Variants in MYRIP observed in about 807,000 individuals in gnomAD.
MYRIP encodes myosin VIIA and Rab interacting protein, also known as rab effector MyRIP.
Under a neutral mutation model 98.0 loss-of-function variants are expected in MYRIP, and 49 were observed. The observed-to-expected ratio is 0.50, with a 90% CI of 0.40 to 0.63. The LOEUF (loss-of-function observed/expected upper bound fraction) is 0.63, where lower values mean the gene tolerates loss of function less well. Among genes scored for constraint, MYRIP ranks in the 30% least tolerant of loss-of-function variants. The probability of loss-of-function intolerance (pLI) is 0.00; values close to 1 mark genes in which losing one functional copy is unlikely to be tolerated. For synonymous variants in MYRIP, 404 were observed against 409.5 expected, an observed-to-expected ratio of 0.99 and a Z score of 0.16; for missense variants, 1,004 against 1,058.2, an observed-to-expected ratio of 0.95 and a Z score of 0.71.
chr3:39,839,072 T>A (rs982970159), intron 1 of MYRIP, among the ~76,000 whole-genome samples: 1 of 152,134 alleles, frequency 6.6e-6, no homozygotes, highest in African/African-American at 2.4e-5. Flanking sequence ...TCTATTTGAT[T>A]CTTCTCTCTT....
intron 1 of MYRIP, among the ~76,000 whole-genome samples, chr3:39,876,559 T>G (rs1210351143): frequency 6.6e-6 from 1 of 151,942 alleles, no homozygotes; most frequent in Non-Finnish European, 1.5e-5. Flanking sequence ...TCTCTCAGCA[T>G]TTGCTTGTCT....
At chr3:40,130,029 A>C (rs1053865400) in intron 3 of MYRIP, among the ~76,000 whole-genome samples, 1 of 152,216 alleles carries the variant, frequency 6.6e-6, no homozygotes, top group African/African-American at 2.4e-5. Flanking sequence ...AGGTTTTTTT[A>C]GGGAAACAAC....
At chr3:39,816,463 T>C (rs1940920653) in intron 1 of MYRIP, among the ~76,000 whole-genome samples, 1 of 152,224 alleles carries the variant, frequency 6.6e-6, no homozygotes, top group South Asian at 2.1e-4. Flanking sequence ...TTCTCTTACT[T>C]GAGGATCAGT....
chr3:39,810,130 G>T (rs1940620792), intron 1 of MYRIP, among the ~76,000 whole-genome samples: 1 of 152,238 alleles, frequency 6.6e-6, no homozygotes, highest in East Asian at 1.9e-4. Flanking sequence ...CTTGCTCAGG[G>T]ATCATCGCGG....
chr3:39,849,975 T>C (rs1942078117), intron 1 of MYRIP, among the ~76,000 whole-genome samples: 2 of 152,220 alleles, frequency 1.3e-5, no homozygotes, highest in Admixed American at 6.5e-5. Flanking sequence ...ATTATCAGGA[T>C]GGTCACCACG....
At chr3:39,963,560 T>C (rs1559539511) in intron 2 of MYRIP, among the ~76,000 whole-genome samples, 1 of 152,160 alleles carries the variant, frequency 6.6e-6, no homozygotes, top group Non-Finnish European at 1.5e-5. Flanking sequence ...CATATGCAAA[T>C]GCAGGGATGA....
intron 3 of MYRIP, among the ~76,000 whole-genome samples, chr3:40,092,916 A>G (rs1430194964): frequency 1.3e-5 from 2 of 152,092 alleles, no homozygotes; most frequent in Non-Finnish European, 2.9e-5. Context: ...AGTGGGCTTC[A>G]TGTTCCAGGA....
At chr3:40,251,757 C>T (rs1953383173) in intron 15 of MYRIP, 124 bp from the exon 16 acceptor site, 2 of 660,802 alleles carry the variant, frequency 3.0e-6, no homozygotes, top group South Asian at 3.7e-5. Context: ...CAATCAAACA[C>T]AGTACAGGAA....
At chr3:40,136,384 C>T (rs1288600783) in intron 3 of MYRIP, among the ~76,000 whole-genome samples, 1 of 152,184 alleles carries the variant, frequency 6.6e-6, no homozygotes, top group Non-Finnish European at 1.5e-5. Flanking sequence ...ATTCATAAAG[C>T]AAGGCCTTAG....
intron 1 of MYRIP, among the ~76,000 whole-genome samples, chr3:39,858,771 A>G (rs1942378267): frequency 2.0e-5 from 3 of 152,162 alleles, no homozygotes; most frequent in Non-Finnish European, 2.9e-5. Context: ...AGAGAATTAA[A>G]ACACTCCTGA....
chr3:40,036,302 CAAAAAAA>C (rs71091786), intron 2 of MYRIP, among the ~76,000 whole-genome samples: 2 of 64,288 alleles, frequency 3.1e-5, no homozygotes, highest in African/African-American at 5.7e-5. Context: ...CAACTGATAC[CAAAAAAA>C]AAAAAAAAAA....
chr3:40,182,101 C>T (rs1950895260), intron 8 of MYRIP, 119 bp from the exon 9 acceptor site: 8 of 1,101,290 alleles, frequency 7.3e-6, no homozygotes, highest in African/African-American at 1.6e-5. Context: ...GTGAAAAGAG[C>T]CATTACCATT....
intron 2 of MYRIP, among the ~76,000 whole-genome samples, chr3:40,009,751 T>C (rs1946716878): frequency 6.6e-6 from 1 of 152,200 alleles, no homozygotes. Flanking sequence ...TCTGATGCTA[T>C]TACTAATGCA....
intron 3 of MYRIP, among the ~76,000 whole-genome samples, chr3:40,117,547 G>A (rs891312894): frequency 1.3e-5 from 2 of 152,034 alleles, no homozygotes; most frequent in African/African-American, 4.8e-5. Flanking sequence ...CACTTACCTT[G>A]GCATCATTTC....
At chr3:39,880,936 C>T (rs1943142674) in intron 1 of MYRIP, among the ~76,000 whole-genome samples, 1 of 152,002 alleles carries the variant, frequency 6.6e-6, no homozygotes, top group South Asian at 2.1e-4. Flanking sequence ...TCTTCTCAAT[C>T]CTCTCTGTTG....
At chr3:40,053,598 G>C (rs1196142846) in intron 3 of MYRIP, among the ~76,000 whole-genome samples, 1 of 152,104 alleles carries the variant, frequency 6.6e-6, no homozygotes, top group Non-Finnish European at 1.5e-5. Flanking sequence ...GATAAACCAC[G>C]TGTAGGGCCA....
intron 1 of MYRIP, among the ~76,000 whole-genome samples, chr3:39,849,653 A>G (rs77693408): frequency 0.028 from 4,244 of 152,282 alleles, 187 homozygotes; most frequent in East Asian, 0.22. Context: ...TTTTGGGGAC[A>G]GTAAATTGAA....
intron 1 of MYRIP, among the ~76,000 whole-genome samples, chr3:39,827,327 G>A (rs1941299332): frequency 6.6e-6 from 1 of 152,026 alleles, no homozygotes; most frequent in Admixed American, 6.6e-5. Context: ...TCACTAGGCG[G>A]GTCTCAAACT....
intron 2 of MYRIP, among the ~76,000 whole-genome samples, chr3:39,956,315 G>T (rs958031526): frequency 6.6e-6 from 1 of 151,978 alleles, no homozygotes; most frequent in Non-Finnish European, 1.5e-5. Flanking sequence ...GAACAGAAAT[G>T]ATAACAAACT....
Sources: gnomAD v4.1 joint callset for allele counts (sites outside exome capture counted in the v4.1 genomes callset) on GRCh38, gnomAD v4.1.1 for gene constraint, MANE v1.5 for transcripts, NCBI Gene and HGNC (gene_info 2026-07-23, HGNC 2026-07-21) for gene names.